The following PTPRM variants were observed in gnomAD, a reference collection of about 807,000 sequenced individuals.
The protein encoded by PTPRM is receptor-type tyrosine-protein phosphatase mu.
PTPRM carries 47 observed loss-of-function variants against 186.7 expected under a neutral mutation model. The observed-to-expected ratio is 0.25, with a 90% CI of 0.20 to 0.32. The LOEUF is 0.32. Ranked by LOEUF, PTPRM falls within the 10% of genes least tolerant of loss-of-function variation. The probability of loss-of-function intolerance (pLI) is 1.00; values close to 1 mark genes in which losing one functional copy is unlikely to be tolerated. For missense variants in PTPRM, 1,494 were observed against 1,865.0 expected, an observed-to-expected ratio of 0.80 and a Z score of 3.66; for synonymous variants, 668 against 674.9, an observed-to-expected ratio of 0.99 and a Z score of 0.16.
chr18:8,247,203 A>G (rs1362774884), intron 15 of PTPRM, among the ~76,000 whole-genome samples: 1 of 152,200 alleles, frequency 6.6e-6, no homozygotes, highest in East Asian at 1.9e-4. Context: ...CCCATTTTTA[A>G]TGAAATCAGA....
intron 1 of PTPRM, among the ~76,000 whole-genome samples, chr18:7,692,904 A>G (rs1384230212): frequency 1.3e-5 from 2 of 152,218 alleles, no homozygotes; most frequent in African/African-American, 4.8e-5. Context: ...TAACTTGCCA[A>G]TGAGAAAGAG....
intron 16 of PTPRM, 36 bp from the exon 17 acceptor site, chr18:8,248,114 C>T: frequency 6.6e-7 from 1 of 1,520,804 alleles, no homozygotes; most frequent in Non-Finnish European, 9.1e-7. Context: ...TCTCTTTTTA[C>T]TTTCTCTGCA....
intron 1 of PTPRM, among the ~76,000 whole-genome samples, chr18:7,622,557 C>G (rs925203385): frequency 6.6e-6 from 1 of 152,024 alleles, no homozygotes; most frequent in Non-Finnish European, 1.5e-5. Context: ...AGATAAATAC[C>G]TTGGGATGGT....
rs557889119 is a variant in PTPRM, at chr18:7,586,123, G to T, written c.73+18232G>T. The stretch of plus-strand genomic sequence containing the variant: ...AGGCAAATTGTAAGGGTAGAGCTGA[G>T]ATTTGAACATTATCAGCTTGATCCT... On this transcript the variant is annotated intron_variant, in intron 1 of 32. Coordinates refer to ENST00000580170, the MANE Select transcript of PTPRM (RefSeq NM_001105244.2). 5.9e-5 allele frequency among the ~76,000 whole-genome samples: 9 copies of T among 152,324 alleles called. No homozygotes were observed. In the South Asian group the frequency reaches 1.4e-3, roughly 25 times the overall value.
intron 7 of PTPRM, among the ~76,000 whole-genome samples, chr18:7,984,602 T>TATATATATATATATATATAC (rs1214502563): frequency 1.1e-5 from 1 of 87,196 alleles, no homozygotes; most frequent in Non-Finnish European, 2.1e-5. Context: ...TATATATATA[T>TATATATATATATATATATAC]ACACACACAC....
In PTPRM at chr18:8,126,012, TATATA is replaced by T. The variant is rs1448002852; in HGVS notation, c.2167+11186_2167+11190del. ...ATATATATATATATATATATATATATATATATATATATATATTTTAAATCAGTAGA... is the reference window on the plus strand; with the variant it reads ...ATATATATATATATATATATATATATTATATATATATTTTAAATCAGTAGA... On this transcript the variant is annotated intron_variant, in intron 13 of 32. Coordinates refer to ENST00000580170, the MANE Select transcript of PTPRM (RefSeq NM_001105244.2). Among the ~76,000 whole-genome samples, 60 of 25,106 alleles carry T rather than the reference TATATA, an allele frequency of 2.4e-3. 2 individuals are homozygous for T. Among genetic ancestry groups the T allele is most frequent in the South Asian group, 5.5e-3 (4 of 726 alleles). 16.5% of individuals were successfully genotyped at this position (25,106 alleles called of 152,430 possible).
rs146137246 is a variant in PTPRM at position 8,086,152 on chromosome 18, C to T, written c.1753+280C>T. On this transcript the variant is annotated intron_variant, in intron 10 of 32. Coordinates refer to ENST00000580170, the MANE Select transcript of PTPRM (RefSeq NM_001105244.2). ...GAAGGTTCTGTTGAGACACTCTCAT[C>T]CCCTTGTCAATCCCAAGTTGCCAGA... is the stretch of plus-strand genomic sequence containing the variant. Among the ~76,000 whole-genome samples the T allele has an allele frequency of 2.0e-3, 311 of 152,246 alleles. 4 individuals are homozygous for T. The highest frequency in any genetic ancestry group is 7.1e-3 in the African/African-American group (297 of 41,556).
In PTPRM at chr18:8,147,282, A is replaced by G. The variant is rs1452566805; in HGVS notation, c.2300+3503A>G. On this transcript the variant is annotated intron_variant, in intron 14 of 32. Coordinates refer to ENST00000580170, the MANE Select transcript of PTPRM (RefSeq NM_001105244.2). ...ATCTTAATTCTTCCTATCCATGAGCATAGAATGTTTTTCCAGTTGTTTGTG... is the reference window on the plus strand; with the variant it reads ...ATCTTAATTCTTCCTATCCATGAGCGTAGAATGTTTTTCCAGTTGTTTGTG... Among the ~76,000 whole-genome samples, 3 of 152,214 alleles carry G rather than the reference A, an allele frequency of 2.0e-5. No individual in the cohort carries two copies. In the East Asian group the frequency reaches 5.8e-4, roughly 29 times the overall value.
intron 1 of PTPRM, among the ~76,000 whole-genome samples, chr18:7,644,593 A>G (rs1339615244): frequency 1.3e-5 from 2 of 152,186 alleles, no homozygotes; most frequent in Admixed American, 6.5e-5. Context: ...GGGAATAGAA[A>G]GAGAGTTATT....
intron 7 of PTPRM, among the ~76,000 whole-genome samples, chr18:7,986,204 A>G (rs1295479355): frequency 2.0e-5 from 3 of 152,230 alleles, no homozygotes; most frequent in Non-Finnish European, 4.4e-5. Flanking sequence ...AGTCCTCAGT[A>G]GTGCGTAACA....
At chr18:7,949,383 AT>A in intron 6 of PTPRM, 28 bp downstream of exon 6, 1 of 1,569,314 alleles carries the variant, frequency 6.4e-7, no homozygotes, top group Middle Eastern at 1.7e-4. Context: ...ATACCAGAAT[AT>A]TCTTCTAAAG....
intron 1 of PTPRM, among the ~76,000 whole-genome samples, chr18:7,737,820 G>A (rs555035115): frequency 2.6e-5 from 4 of 152,262 alleles, no homozygotes; most frequent in African/African-American, 4.8e-5. Flanking sequence ...CCAAAACCTG[G>A]ATTCTGATAG....
At chr18:7,657,540 C>T (rs2038879419) in intron 1 of PTPRM, among the ~76,000 whole-genome samples, 1 of 152,152 alleles carries the variant, frequency 6.6e-6, no homozygotes, top group Non-Finnish European at 1.5e-5. Flanking sequence ...CTATACACAG[C>T]CGTAATGCAG....
At chr18:8,314,910 G>A (rs1033328352) in intron 21 of PTPRM, 53 bp downstream of exon 21, 3 of 1,221,262 alleles carry the variant, frequency 2.5e-6, no homozygotes, top group Non-Finnish European at 3.5e-6. Flanking sequence ...ATATTTGGGT[G>A]CTATGTATGA....
At chr18:8,400,155 A>G (rs1309818741) in intron 32 of PTPRM, among the ~76,000 whole-genome samples, 1 of 152,202 alleles carries the variant, frequency 6.6e-6, no homozygotes, top group Non-Finnish European at 1.5e-5. Context: ...CCCGTCCACC[A>G]TCACGTGCCT....
chr18:7,637,933 G>A (rs1442471169), intron 1 of PTPRM, among the ~76,000 whole-genome samples: 1 of 152,094 alleles, frequency 6.6e-6, no homozygotes, highest in Non-Finnish European at 1.5e-5. Flanking sequence ...TACCTAATGG[G>A]GTTTTGGTAT....
At chr18:7,908,478 C>A (rs1329652504) in intron 4 of PTPRM, among the ~76,000 whole-genome samples, 1 of 152,086 alleles carries the variant, frequency 6.6e-6, no homozygotes, top group Non-Finnish European at 1.5e-5. Flanking sequence ...CTTTGTTAAG[C>A]TTTATAGAGA....
intron 4 of PTPRM, among the ~76,000 whole-genome samples, chr18:7,912,086 A>G (rs2050304131): frequency 1.3e-5 from 2 of 152,002 alleles, no homozygotes; most frequent in Non-Finnish European, 2.9e-5. Flanking sequence ...TCTTGACCTC[A>G]GGTGTTCTGC....
intron 1 of PTPRM, among the ~76,000 whole-genome samples, chr18:7,717,949 G>A (rs988548881): frequency 6.6e-6 from 1 of 152,198 alleles, no homozygotes; most frequent in African/African-American, 2.4e-5. Context: ...CCCTTGAGGA[G>A]TTGAGAGTGG....
Sources: gnomAD v4.1 joint callset for allele counts (sites outside exome capture counted in the v4.1 genomes callset) on GRCh38, gnomAD v4.1.1 for gene constraint, MANE v1.5 for transcripts, NCBI Gene and HGNC (gene_info 2026-07-23, HGNC 2026-07-21) for gene names.